IPO5: variants seen among roughly 807,000 people sequenced by gnomAD.
IPO5 encodes importin-5.
Under a neutral mutation model 143.3 loss-of-function variants are expected in IPO5, and 18 were observed. That is an observed-to-expected ratio of 0.13 (90% CI 0.09 to 0.19). IPO5 has a LOEUF of 0.19. Among genes scored for constraint, IPO5 ranks in the 10% least tolerant of loss-of-function variants. The pLI is 1.00. For synonymous variants in IPO5, 477 were observed against 465.7 expected (o/e 1.02, Z -0.31); for missense variants, 1,013 against 1,336.9 (o/e 0.76, Z 3.78).
At chr13:97,980,228 T>G (rs1886723370) in intron 4 of IPO5, among the ~76,000 whole-genome samples, 1 of 152,192 alleles carries the variant, frequency 6.6e-6, no homozygotes, top group Admixed American at 6.5e-5. Flanking sequence ...GTGTGGAACT[T>G]AGACTGTTTA....
chr13:98,017,910 G>A (rs1185369353), intron 25 of IPO5, among the ~76,000 whole-genome samples: 1 of 151,508 alleles, frequency 6.6e-6, no homozygotes, highest in African/African-American at 2.4e-5. Flanking sequence ...CTTGTGATCC[G>A]CCCACTTTGG....
intron 4 of IPO5, among the ~76,000 whole-genome samples, chr13:97,980,611 C>T (rs1054361647): frequency 3.3e-5 from 5 of 152,046 alleles, no homozygotes; most frequent in Admixed American, 3.3e-4. Flanking sequence ...AGGTGGATCA[C>T]GAGGTCGGGA....
At chr13:97,980,036 A>G (rs1036246097) in intron 4 of IPO5, 7 of 436,950 alleles carry the variant, frequency 1.6e-5, no homozygotes, top group African/African-American at 1.4e-4. Context: ...AAGTCTTTGC[A>G]TTGTGTAAAT....
chr13:97,981,595 A>G (rs1445607403), intron 4 of IPO5, among the ~76,000 whole-genome samples: 7 of 152,212 alleles, frequency 4.6e-5, no homozygotes, highest in East Asian at 3.8e-4. Flanking sequence ...AAAGAAATCA[A>G]TGTTACCCAC....
chr13:97,969,173 A>ATTTTTTTTTTTTTTTTTTT (rs1363779886), intron 2 of IPO5, among the ~76,000 whole-genome samples: 1 of 70,142 alleles, frequency 1.4e-5, no homozygotes, highest in African/African-American at 6.7e-5. Context: ...ATATATATAT[A>ATTTTTTTTTTTTTTTTTTT]TATTTTTTTT....
chr13:98,003,173 G>T, intron 16 of IPO5, 136 bp downstream of exon 16: 1 of 710,796 alleles, frequency 1.4e-6, no homozygotes, highest in East Asian at 2.5e-5. Context: ...GAGGCTATTC[G>T]GAGTTGTGGA....
At chr13:97,997,094 T>G (rs995773693) in intron 11 of IPO5, among the ~76,000 whole-genome samples, 1 of 152,158 alleles carries the variant, frequency 6.6e-6, no homozygotes, top group African/African-American at 2.4e-5. Context: ...ACTGAAATCC[T>G]TATGTGTTGA....
At chr13:97,997,365 T>C (rs1406282478) in intron 11 of IPO5, among the ~76,000 whole-genome samples, 166 bp from the exon 12 acceptor site, 2 of 152,224 alleles carry the variant, frequency 1.3e-5, no homozygotes, top group Non-Finnish European at 1.5e-5. Context: ...AAAGCAAATA[T>C]AACAAGGTTA....
intron 2 of IPO5, among the ~76,000 whole-genome samples, chr13:97,967,574 T>G (rs190484903): frequency 6.6e-6 from 1 of 152,296 alleles, no homozygotes; most frequent in East Asian, 1.9e-4. Flanking sequence ...CTATCACTGC[T>G]ATCCCATAAA....
At chr13:97,997,192 T>C (rs1480420933) in intron 11 of IPO5, among the ~76,000 whole-genome samples, 2 of 152,202 alleles carry the variant, frequency 1.3e-5, no homozygotes, top group African/African-American at 2.4e-5. Context: ...TAATTTTGTA[T>C]AGAGATATGG....
intron 22 of IPO5, 66 bp downstream of exon 22, chr13:98,014,280 TA>T (rs192955800): frequency 0.081 from 71,244 of 882,508 alleles, no homozygotes; most frequent in South Asian, 0.11. Context: ...TTGCTAAAAG[TA>T]AAAAAAAAAA....
intron 2 of IPO5, among the ~76,000 whole-genome samples, chr13:97,957,124 T>A (rs1884516521): frequency 6.6e-6 from 1 of 152,106 alleles, no homozygotes; most frequent in Admixed American, 6.5e-5. Flanking sequence ...TAAACAAAAC[T>A]AGAAAAATCC....
chr13:98,011,576 G>C (rs994518058), intron 20 of IPO5, among the ~76,000 whole-genome samples: 6 of 144,504 alleles, frequency 4.2e-5, no homozygotes, highest in African/African-American at 7.8e-5. Flanking sequence ...GTGCCATCCC[G>C]GCTCACTGCC....
At chr13:98,001,135 G>C (rs1002861461) in intron 13 of IPO5, among the ~76,000 whole-genome samples, 2 of 151,852 alleles carry the variant, frequency 1.3e-5, no homozygotes, top group Non-Finnish European at 1.5e-5. Flanking sequence ...CAGCCTCCCA[G>C]AGTGCTTAGA....
rs543183129 is a variant in IPO5, at chr13:97,990,274, G to A, written c.564+52G>A. ...AACCATCTATTTTAATCTAATTTGCGAAAGAAATTAGTATATTAGGAGGTT... is the reference window on the plus strand; with the variant it reads ...AACCATCTATTTTAATCTAATTTGCAAAAGAAATTAGTATATTAGGAGGTT... On this transcript the variant is annotated intron_variant, in intron 8 of 28. Coordinates refer to ENST00000651721, the MANE Select transcript of IPO5 (RefSeq NM_002271.6). 2.7e-5 allele frequency: 37 copies of A among 1,350,640 alleles called. No individual in the cohort carries two copies. In the Middle Eastern group the frequency reaches 9.1e-4, roughly 33 times the overall value. 83.7% of individuals were successfully genotyped at this position (1,350,640 alleles called of 1,614,324 possible).
rs755592009 is a variant in IPO5 at position 98,006,355 on chromosome 13, A to C, written c.1716+7A>C. ...GGCTGTTGGGAAGGAAAAAGTAAGT[A>C]ATTTTTTTTTTTTTTTTTTTTTTTT... On this transcript the variant is annotated splice_region_variant and intron_variant, in intron 17 of 28. Transcript: ENST00000651721. The C allele has an allele frequency of 2.8e-6, 2 of 705,418 alleles. No homozygotes were observed. The highest frequency in any genetic ancestry group is 4.0e-6 in the Non-Finnish European group (2 of 503,528). The allele number at this position is 705,418 out of a possible 1,614,324, so 43.7% of individuals were successfully genotyped here. A position where few individuals can be genotyped will look rare whatever the true frequency, so the allele number is the denominator to read the frequency against.
chr13:98,012,466 CTCT>C, intron 21 of IPO5, 124 bp downstream of exon 21: 1 of 651,906 alleles, frequency 1.5e-6, no homozygotes, highest in South Asian at 1.8e-5. Context: ...ACTAAGTGTA[CTCT>C]TAGGTGATAA....
chr13:97,964,015 A>G (rs1885103506), intron 2 of IPO5, among the ~76,000 whole-genome samples: 1 of 152,062 alleles, frequency 6.6e-6, no homozygotes, highest in African/African-American at 2.4e-5. Context: ...GTGTCTGTTC[A>G]TATCTTTTGC....
At chr13:97,956,146 G>C (rs547933244) in intron 2 of IPO5, among the ~76,000 whole-genome samples, 1 of 144,272 alleles carries the variant, frequency 6.9e-6, no homozygotes, top group East Asian at 2.0e-4. Context: ...AAAAAAAAAC[G>C]AACAAAAAAA....
Sources: gnomAD v4.1 joint callset for allele counts (sites outside exome capture counted in the v4.1 genomes callset) on GRCh38, gnomAD v4.1.1 for gene constraint, MANE v1.5 for transcripts, NCBI Gene and HGNC (gene_info 2026-07-23, HGNC 2026-07-21) for gene names.